The following TKTL1 variants were observed in gnomAD, a reference collection of about 807,000 sequenced individuals.
TKTL1 encodes transketolase like 1.
A neutral mutation model predicts 39.3 loss-of-function variants in TKTL1; 1 was observed. The observed-to-expected ratio is 0.03, with a 90% confidence interval of 0.01 to 0.12. The LOEUF is 0.12. Ranked by LOEUF, TKTL1 falls within the 10% of genes least tolerant of loss-of-function variation. The probability of loss-of-function intolerance (pLI) is 1.00; values close to 1 mark genes in which losing one functional copy is unlikely to be tolerated. For missense variants in TKTL1, 575 were observed against 509.6 expected (o/e 1.13, Z -1.24); for synonymous variants, 262 against 193.8 (o/e 1.35, Z -2.92).
At chrX:154,313,933 CAAAAA>C (rs78101259) in intron 6 of TKTL1, among the ~76,000 whole-genome samples, 3 of 64,320 alleles carry the variant, frequency 4.7e-5, no homozygotes, top group African/African-American at 1.2e-4. Flanking sequence ...GACTCTGTCT[CAAAAA>C]AAAAAAAAAA....
rs2067306455 is a variant in TKTL1 at position 154,305,282 on chromosome X, C to T, written c.135-22C>T. The T allele has an allele frequency of 3.3e-6, 4 of 1,200,275 alleles. No individual in the cohort carries two copies. The Admixed American group carries it at 6.6e-5, about 20-fold the overall frequency. ...GAAGCCAGTTGCTGTGAGAAATGAC[C>T]AGTGTCATGTCTGTCTTTCAGCCAC... On this transcript the variant is annotated intron_variant, in intron 1 of 12. Coordinates refer to ENST00000369915, the MANE Select transcript of TKTL1 (RefSeq NM_012253.4).
At chrX:154,310,804 C>T in intron 3 of TKTL1, 32 bp from the exon 4 acceptor site, 1 of 1,173,615 alleles carries the variant, frequency 8.5e-7, no homozygotes, top group Non-Finnish European at 1.2e-6. Flanking sequence ...TGATCCCCCA[C>T]AGGGTCCTAA....
intron 1 of TKTL1, among the ~76,000 whole-genome samples, chrX:154,304,695 C>T (rs1158824140): frequency 9.2e-6 from 1 of 109,179 alleles, no homozygotes; most frequent in Non-Finnish European, 1.9e-5. Context: ...TTAATATGAG[C>T]TGGGCCTAAC....
chrX:154,312,097 A>G (rs1437921970), intron 5 of TKTL1, among the ~76,000 whole-genome samples: 9 of 111,644 alleles, frequency 8.1e-5, no homozygotes, highest in African/African-American at 1.6e-4. Context: ...AAACCCTTCA[A>G]TGGTTTCCAA....
At chrX:154,304,529 G>A (rs181525928) in intron 1 of TKTL1, among the ~76,000 whole-genome samples, 3,050 of 109,545 alleles carry the variant, frequency 0.028, 91 homozygotes, top group African/African-American at 0.096. Context: ...CCAGGAGGTC[G>A]AGGCTGCAAT....
In TKTL1 at chrX:154,327,234, G is replaced by C. The variant is rs782265063; in HGVS notation, c.1402-357G>C. 4.0e-4 allele frequency: 144 copies of C among 364,458 alleles called. 1 individual carries two copies. The highest frequency in any genetic ancestry group is 3.5e-3 in the South Asian group (131 of 37,050). 30.0% of individuals were successfully genotyped at this position (364,458 alleles called of 1,213,427 possible). A position where few individuals can be genotyped will look rare whatever the true frequency, so the allele number is the denominator to read the frequency against. On this transcript the variant is annotated intron_variant, in intron 10 of 12. Transcript: ENST00000369915. ...ACAGATCTTACAGGGAGGCTGTGAG[G>C]GTTCTCAGAGTTCAGGCACACAAGA...
chrX:154,324,828 TAAC>T lies in TKTL1; in HGVS notation c.1318-508_1318-506del, dbSNP rs1168241108. Reference sequence around the variant, plus strand: ...TGCATCCATTAATATGTATGTAAATTAACAAATACTTTAGACATACAAGTGTTC... The same window carrying T: ...TGCATCCATTAATATGTATGTAAATTAAATACTTTAGACATACAAGTGTTC... On this transcript the variant is annotated intron_variant, in intron 9 of 12. Transcript: ENST00000369915. Among the ~76,000 whole-genome samples, 6 of 112,256 alleles carry T rather than the reference TAAC, an allele frequency of 5.3e-5. No homozygotes were observed. In the Admixed American group the frequency reaches 5.7e-4, roughly 11 times the overall value.
At chrX:154,329,312 T>C (rs2067519028) in intron 12 of TKTL1, among the ~76,000 whole-genome samples, 1 of 111,763 alleles carries the variant, frequency 8.9e-6, no homozygotes, top group African/African-American at 3.3e-5. Flanking sequence ...ACCCCCACAC[T>C]CAGGCAGCCC....
intron 8 of TKTL1, among the ~76,000 whole-genome samples, chrX:154,321,906 G>A (rs898526928): frequency 9.1e-6 from 1 of 109,394 alleles, no homozygotes; most frequent in Non-Finnish European, 1.9e-5. Context: ...GGGGCAGAGG[G>A]GCCTAGGAAA....
At chrX:154,320,611 A>AG in intron 7 of TKTL1, 146 bp from the exon 8 acceptor site, 1 of 599,373 alleles carries the variant, frequency 1.7e-6, no homozygotes, top group Non-Finnish European at 2.7e-6. Flanking sequence ...CCAGGGTTTG[A>AG]GGAAAGAGGG....
At position 154,329,544 on chromosome X, in the gene TKTL1, C is replaced by G. The variant is rs368262386; in HGVS notation, c.1647C>G (p.Ala549=). Residue 549 remains alanine (A), a synonymous_variant, in exon 13 of 13, where the codon GCC becomes GCG. Transcript: ENST00000369915. ...GCATCGGGGAAGCTGTCTGCGCAGC[C>G]GTCTCCATGGATCCTGACATTCAGG... The part of the protein sequence containing the change: ...QGGIGEAVCA[A]VSMDPDIQVH... 1 of 1,211,663 alleles carries G rather than the reference C, an allele frequency of 8.3e-7. No individual in the cohort carries two copies. The highest frequency in any genetic ancestry group is 2.3e-4 in the Middle Eastern group (1 of 4,346).
intron 1 of TKTL1, among the ~76,000 whole-genome samples, chrX:154,299,318 G>GC (rs2067255483): frequency 9.3e-6 from 1 of 107,966 alleles, no homozygotes; most frequent in Non-Finnish European, 1.9e-5. Flanking sequence ...TCCACGCCCA[G>GC]CTAATTTTGT....
Position 154,295,804 on chromosome X carries a change from T to G in TKTL1, c.-56T>G. 4 of 1,185,478 alleles carry G rather than the reference T, an allele frequency of 3.4e-6. No homozygotes were observed. The highest frequency in any genetic ancestry group is 4.5e-6 in the Non-Finnish European group (4 of 880,120). ...TGGGCAGCTCGCAGGCGCCATTCGC[T>G]CTTCAGACGCCGGAGACGTAGGAGT... On this transcript the variant is annotated 5_prime_UTR_variant, in exon 1 of 13. Transcript: ENST00000369915.
chrX:154,306,431 C>T (rs932994102), intron 2 of TKTL1, among the ~76,000 whole-genome samples: 1 of 111,061 alleles, frequency 9.0e-6, no homozygotes, highest in African/African-American at 3.3e-5. Flanking sequence ...TAATTGTGAC[C>T]CTTGTCTTGG....
chrX:154,297,698 A>C, intron 1 of TKTL1, among the ~76,000 whole-genome samples: 1 of 110,906 alleles, frequency 9.0e-6, no homozygotes, highest in Non-Finnish European at 1.9e-5. Flanking sequence ...CAGGACTTTG[A>C]GAGGCCAAAG....
intron 1 of TKTL1, among the ~76,000 whole-genome samples, chrX:154,303,559 C>T (rs1315372441): frequency 3.8e-5 from 4 of 104,847 alleles, no homozygotes; most frequent in Non-Finnish European, 7.8e-5. Flanking sequence ...TTCCCTCTTC[C>T]CTCGTCTTCC....
At chrX:154,318,946 G>C (rs1484022103) in intron 7 of TKTL1, among the ~76,000 whole-genome samples, 1 of 111,228 alleles carries the variant, frequency 9.0e-6, no homozygotes, top group Non-Finnish European at 1.9e-5. Context: ...CATATAAATT[G>C]ATAGGTTTTT....
At chrX:154,313,406 A>G (rs1221911180) in intron 6 of TKTL1, among the ~76,000 whole-genome samples, 1 of 111,954 alleles carries the variant, frequency 8.9e-6, no homozygotes, top group Non-Finnish European at 1.9e-5. Flanking sequence ...TAGCACCTTT[A>G]CATCCTGCCT....
At position 154,315,228 on chromosome X, in the gene TKTL1, A is replaced by T; in HGVS notation, c.920A>T (p.Asn307Ile). 1 of 1,211,586 alleles carries T rather than the reference A, an allele frequency of 8.3e-7. No individual in the cohort carries two copies. The highest frequency in any genetic ancestry group is 1.1e-6 in the Non-Finnish European group (1 of 895,387). Residue 307 changes from asparagine (N) to isoleucine (I), a missense_variant, in exon 7 of 13, where the codon AAC (asparagine) becomes ATC (isoleucine). Asn to Ile is a moderately radical substitution (Grantham distance 149). Coordinates refer to ENST00000369915, the MANE Select transcript of TKTL1 (RefSeq NM_012253.4). ...CTGGCTAAGCTGGGCTACGCGAACA[A>T]CAGAGTCGTTGTGCTGGATGGTGAC... ...LALAKLGYANNRVVVLDGDTR... is the reference protein window; with the variant it reads ...LALAKLGYANIRVVVLDGDTR...
Sources: allele counts gnomAD v4.1 joint callset (sites outside exome capture counted in the v4.1 genomes callset), GRCh38; gene constraint gnomAD v4.1.1; transcripts MANE v1.5; gene names NCBI Gene and HGNC (gene_info 2026-07-23, HGNC 2026-07-21).